The following TOX2 variants were observed in gnomAD, a reference collection of about 807,000 sequenced individuals.
TOX2 encodes granulosa cell HMG box 1.
Under a neutral mutation model 47.4 loss-of-function variants are expected in TOX2, and 15 were observed. That is an observed-to-expected ratio of 0.32 (90% CI 0.21 to 0.49). The LOEUF is 0.49. Among genes scored for constraint, TOX2 ranks in the 20% least tolerant of loss-of-function variants. The probability of loss-of-function intolerance (pLI) is 0.99; values close to 1 mark genes in which losing one functional copy is unlikely to be tolerated. For synonymous variants in TOX2, 290 were observed against 296.6 expected (o/e 0.98, Z 0.23); for missense variants, 622 against 673.1 (o/e 0.92, Z 0.84).
intron 1 of TOX2, among the ~76,000 whole-genome samples, chr20:43,947,373 T>A (rs6031254): frequency 0.063 from 9,627 of 152,324 alleles, 768 homozygotes; most frequent in African/African-American, 0.18. Flanking sequence ...GTGCACACAC[T>A]CACTGTGTAA....
At chr20:44,032,125 G>A (rs2071164075) in intron 3 of TOX2, among the ~76,000 whole-genome samples, 1 of 152,162 alleles carries the variant, frequency 6.6e-6, no homozygotes. Flanking sequence ...GGATGGTCGG[G>A]GAAGGCCTTC....
intron 4 of TOX2, among the ~76,000 whole-genome samples, chr20:44,053,473 T>C (rs111694922): frequency 0.099 from 13,711 of 137,864 alleles, 703 homozygotes; most frequent in African/African-American, 0.13. Context: ...CACACACACA[T>C]ATATATATAC....
intron 3 of TOX2, among the ~76,000 whole-genome samples, chr20:44,026,837 G>C (rs1031110266): frequency 6.6e-6 from 1 of 152,058 alleles, no homozygotes; most frequent in Admixed American, 6.6e-5. Flanking sequence ...CTTCTTCTGT[G>C]GGGTGAGGCC....
intron 1 of TOX2, among the ~76,000 whole-genome samples, chr20:43,960,270 T>C (rs2069736234): frequency 6.6e-6 from 1 of 152,204 alleles, no homozygotes; most frequent in Middle Eastern, 3.2e-3. Flanking sequence ...ACACATTCTG[T>C]CAGCTGCTTA....
chr20:43,944,174 T>A (rs1337527234), intron 1 of TOX2, among the ~76,000 whole-genome samples: 1 of 152,172 alleles, frequency 6.6e-6, no homozygotes, highest in African/African-American at 2.4e-5. Flanking sequence ...TTCTATCTGG[T>A]GAGCACGCAC....
At chr20:43,998,196 G>A (rs6093913) in intron 2 of TOX2, among the ~76,000 whole-genome samples, 11,200 of 152,226 alleles carry the variant, frequency 0.074, 951 homozygotes, top group African/African-American at 0.21. Flanking sequence ...CTTACTTACT[G>A]TCACGAGAAC....
At chr20:43,923,075 TG>T (rs146629010) in intron 1 of TOX2, among the ~76,000 whole-genome samples, 2 of 151,596 alleles carry the variant, frequency 1.3e-5, no homozygotes, top group Non-Finnish European at 2.9e-5. Context: ...TGTAGAGTGG[TG>T]GGGGGTGTTC....
intron 2 of TOX2, among the ~76,000 whole-genome samples, chr20:44,002,815 C>T (rs1465930486): frequency 6.6e-6 from 1 of 152,088 alleles, no homozygotes; most frequent in Admixed American, 6.6e-5. Context: ...CCAGCTCTTG[C>T]ATGAATGAAT....
intron 1 of TOX2, among the ~76,000 whole-genome samples, chr20:43,927,733 ATCCT>A (rs1171454635): frequency 2.0e-4 from 13 of 66,236 alleles, no homozygotes; most frequent in Middle Eastern, 0.011. Context: ...CTTTCCTTCC[ATCCT>A]TCCTTCCTTC....
chr20:43,920,409 A>C (rs2069100702), intron 1 of TOX2, among the ~76,000 whole-genome samples: 1 of 152,196 alleles, frequency 6.6e-6, no homozygotes, highest in Non-Finnish European at 1.5e-5. Context: ...TGAGATTCCC[A>C]CAGCTCCTTT....
At chr20:43,946,639 C>G (rs894197253) in intron 1 of TOX2, among the ~76,000 whole-genome samples, 1 of 152,220 alleles carries the variant, frequency 6.6e-6, no homozygotes, top group South Asian at 2.1e-4. Context: ...CAGTTGGGAT[C>G]TCTACGCAGC....
chr20:43,939,988 T>C (rs1207676701), intron 1 of TOX2, among the ~76,000 whole-genome samples: 1 of 152,038 alleles, frequency 6.6e-6, no homozygotes, highest in Non-Finnish European at 1.5e-5. Flanking sequence ...CATTTTTCCT[T>C]AGGGAAAATG....
intron 2 of TOX2, among the ~76,000 whole-genome samples, chr20:44,000,915 G>C (rs917806032): frequency 6.6e-6 from 1 of 152,044 alleles, no homozygotes; most frequent in Non-Finnish European, 1.5e-5. Context: ...CAAGATGAAG[G>C]CCAGATGAAG....
chr20:44,031,493 C>T (rs915425307), intron 3 of TOX2, among the ~76,000 whole-genome samples: 13 of 152,242 alleles, frequency 8.5e-5, no homozygotes, highest in South Asian at 2.1e-4. Context: ...GCCCCTTCTG[C>T]GTGGCAAGGT....
At chr20:43,959,016 C>A (rs2069714088) in intron 1 of TOX2, among the ~76,000 whole-genome samples, 1 of 152,248 alleles carries the variant, frequency 6.6e-6, no homozygotes, top group African/African-American at 2.4e-5. Flanking sequence ...GAGCCCCCCA[C>A]TGCCCTCCTG....
chr20:43,980,934 A>G (rs139789052), intron 2 of TOX2, among the ~76,000 whole-genome samples: 224 of 152,340 alleles, frequency 1.5e-3, no homozygotes, highest in Non-Finnish European at 2.5e-3. Flanking sequence ...GGGCAAGAAT[A>G]TTTTCAACTT....
chr20:43,934,164 AG>A (rs1569010308), intron 1 of TOX2, among the ~76,000 whole-genome samples: 20 of 150,774 alleles, frequency 1.3e-4, no homozygotes, highest in African/African-American at 4.4e-4. Flanking sequence ...AGAGAGAGAG[AG>A]AGACCTGCCC....
At chr20:43,961,963 A>T (rs1292501935) in intron 1 of TOX2, among the ~76,000 whole-genome samples, 1 of 152,212 alleles carries the variant, frequency 6.6e-6, no homozygotes, top group African/African-American at 2.4e-5. Context: ...CAGCGTCTGC[A>T]GCCCTCTTTG....
chr20:43,992,284 C>A (rs2070381788), intron 2 of TOX2, among the ~76,000 whole-genome samples: 1 of 152,190 alleles, frequency 6.6e-6, no homozygotes, highest in Non-Finnish European at 1.5e-5. Flanking sequence ...CAGCTCCCAA[C>A]CACGTGTGGC....
Sources: gnomAD v4.1 joint callset for allele counts (sites outside exome capture counted in the v4.1 genomes callset) on GRCh38, gnomAD v4.1.1 for gene constraint, MANE v1.5 for transcripts, NCBI Gene and HGNC (gene_info 2026-07-23, HGNC 2026-07-21) for gene names.